The following BCAP29 variants were observed in gnomAD, a reference collection of about 807,000 sequenced individuals.
The protein encoded by BCAP29 is B-cell receptor-associated protein 29.
A neutral mutation model predicts 31.8 loss-of-function variants in BCAP29; 34 were observed. The observed-to-expected ratio is 1.07, with a 90% CI of 0.81 to 1.42. BCAP29 has a LOEUF of 1.42. Among genes scored for constraint, BCAP29 ranks in the 40% most tolerant of loss-of-function variants. The pLI, the probability that BCAP29 is intolerant of heterozygous loss-of-function variation, is 0.00. For missense variants in BCAP29, 314 were observed against 269.2 expected (o/e 1.17, Z -1.16); for synonymous variants, 104 against 91.3 (o/e 1.14, Z -0.79).
intron 5 of BCAP29, among the ~76,000 whole-genome samples, chr7:107,598,320 T>C (rs549622013): frequency 6.6e-6 from 1 of 152,202 alleles, no homozygotes; most frequent in Non-Finnish European, 1.5e-5. Context: ...TGTGCTGCTC[T>C]TTACAAAAAA....
chr7:107,585,304 A>G (rs75803938), intron 3 of BCAP29, among the ~76,000 whole-genome samples: 2 of 152,240 alleles, frequency 1.3e-5, no homozygotes, highest in Non-Finnish European at 2.9e-5. Flanking sequence ...AACTAAGAAC[A>G]TCTGGTATGA....
chr7:107,581,700 C>G (rs1806701825), intron 2 of BCAP29, among the ~76,000 whole-genome samples: 1 of 152,176 alleles, frequency 6.6e-6, no homozygotes, highest in South Asian at 2.1e-4. Flanking sequence ...AATCCCAGGA[C>G]TGGGAGAAAC....
chr7:107,615,422 C>G (rs1813939122), intron 7 of BCAP29: 2 of 416,382 alleles, frequency 4.8e-6, no homozygotes, highest in Admixed American at 2.7e-5. Context: ...AGGTGAAACC[C>G]TGTCTCTACT....
chr7:107,607,809 T>G (rs566870324), intron 6 of BCAP29, among the ~76,000 whole-genome samples: 2 of 152,002 alleles, frequency 1.3e-5, no homozygotes, highest in East Asian at 3.9e-4. Flanking sequence ...CCAGCTAATT[T>G]TTGTATTTTT....
intron 6 of BCAP29, among the ~76,000 whole-genome samples, chr7:107,609,031 T>C (rs1291729717): frequency 6.6e-6 from 1 of 152,230 alleles, no homozygotes; most frequent in Non-Finnish European, 1.5e-5. Context: ...TTCAATTCAA[T>C]ACGTGGTGTG....
chr7:107,598,719 T>A (rs1810304781), intron 5 of BCAP29, among the ~76,000 whole-genome samples: 1 of 151,740 alleles, frequency 6.6e-6, no homozygotes, highest in Non-Finnish European at 1.5e-5. Flanking sequence ...CTTATGTTAG[T>A]CTGTTTAAAA....
chr7:107,599,210 AATAT>A (rs61332689), intron 5 of BCAP29, among the ~76,000 whole-genome samples: 1 of 126,312 alleles, frequency 7.9e-6, no homozygotes, highest in Non-Finnish European at 1.6e-5. Flanking sequence ...CATATTTATA[AATAT>A]ATATATACAT....
chr7:107,591,459 G>A (rs1044829291), intron 3 of BCAP29, among the ~76,000 whole-genome samples: 1 of 152,076 alleles, frequency 6.6e-6, no homozygotes, highest in East Asian at 1.9e-4. Context: ...TTGACCGCAG[G>A]TTGCCTTTGG....
At position 107,615,430 on chromosome 7, in the gene BCAP29, A is replaced by G. The variant is rs1004118255; in HGVS notation, c.690+1998A>G. The G allele has an allele frequency of 2.5e-5, 10 of 395,842 alleles. 1 individual carries two copies. Among genetic ancestry groups the G allele is most frequent in the Admixed American group, 9.0e-5 (3 of 33,250 alleles). 24.5% of individuals were successfully genotyped at this position (395,842 alleles called of 1,614,324 possible). On this transcript the variant is annotated intron_variant, in intron 7 of 7. Transcript: ENST00000005259. ...GCTAACAAGGTGAAACCCTGTCTCTACTAAAAATACAAAAAATTAGCCGGG... is the reference window on the plus strand; with the variant it reads ...GCTAACAAGGTGAAACCCTGTCTCTGCTAAAAATACAAAAAATTAGCCGGG...
intron 5 of BCAP29, among the ~76,000 whole-genome samples, chr7:107,596,869 C>T (rs562022261): frequency 4.3e-4 from 65 of 152,254 alleles, no homozygotes; most frequent in South Asian, 1.0e-3. Flanking sequence ...AACCATTTAC[C>T]CATGCAAGGA....
chr7:107,589,241 G>C (rs920421143), intron 3 of BCAP29, among the ~76,000 whole-genome samples: 1 of 151,974 alleles, frequency 6.6e-6, no homozygotes, highest in African/African-American at 2.4e-5. Context: ...GATGGTTTCG[G>C]GATGATTCAA....
rs754491293 is a variant in BCAP29 at position 107,601,371 on chromosome 7, CATAAAA to C, written c.589+873_589+878del. 5.3e-4 allele frequency among the ~76,000 whole-genome samples: 81 copies of C among 151,992 alleles called. 1 individual carries two copies. Among genetic ancestry groups the C allele is most frequent in the Non-Finnish European group, 5.7e-4 (39 of 67,992 alleles). ...GTGTATTTGAATTTGAGATGAAAAA[CATAAAA>C]ATAAAAGCTAATTCTGTGAATAGAA... On this transcript the variant is annotated intron_variant, in intron 6 of 7. Coordinates refer to ENST00000005259, the MANE Select transcript of BCAP29 (RefSeq NM_018844.4).
At chr7:107,611,111 C>T (rs1202306372) in intron 6 of BCAP29, among the ~76,000 whole-genome samples, 3 of 152,050 alleles carry the variant, frequency 2.0e-5, no homozygotes, top group Non-Finnish European at 4.4e-5. Flanking sequence ...TCTCTGGGGC[C>T]TCTTTTTATT....
Position 107,595,897 on chromosome 7 carries a change from T to A in BCAP29, c.375T>A (p.Thr125=). 6.2e-7 allele frequency: 1 copy of A among 1,603,466 alleles called. No individual in the cohort carries two copies. The highest frequency in any genetic ancestry group is 8.5e-7 in the Non-Finnish European group (1 of 1,176,902). Reference sequence around the variant, plus strand: ...TGAGACGTCTGGTTACGCTTATTACTCAACTGGCAAAAGAACTGTCAAACA... The same window carrying A: ...TGAGACGTCTGGTTACGCTTATTACACAACTGGCAAAAGAACTGTCAAACA... ...LVLRRLVTLI[T]QLAKELSNKG... The change falls in exon 5 of 8, where the codon ACT becomes ACA. Residue 125 remains threonine, a synonymous_variant. Coordinates refer to ENST00000005259, the MANE Select transcript of BCAP29 (RefSeq NM_018844.4).
chr7:107,600,263 T>C, intron 5 of BCAP29, 134 bp from the exon 6 acceptor site: 1 of 688,720 alleles, frequency 1.5e-6, no homozygotes, highest in East Asian at 2.7e-5. Context: ...TGTAGAAAAC[T>C]ATAAAATTCT....
chr7:107,593,884 A>C, intron 3 of BCAP29, 71 bp from the exon 4 acceptor site: 1 of 1,464,366 alleles, frequency 6.8e-7, no homozygotes, highest in Non-Finnish European at 9.2e-7. Flanking sequence ...TTTTTCTAAA[A>C]CTGCTTTCCA....
At chr7:107,611,329 G>A (rs1483007366) in intron 6 of BCAP29, among the ~76,000 whole-genome samples, 1 of 152,164 alleles carries the variant, frequency 6.6e-6, no homozygotes, top group African/African-American at 2.4e-5. Context: ...CACTTTGGGA[G>A]CCTGAGGTGA....
intron 6 of BCAP29, among the ~76,000 whole-genome samples, chr7:107,602,999 C>G (rs140680002): frequency 0.011 from 1,176 of 106,300 alleles, 19 homozygotes; most frequent in African/African-American, 0.038. Flanking sequence ...GAGATGAAGT[C>G]TCACTCTGTC....
At chr7:107,586,983 G>C (rs972511609) in intron 3 of BCAP29, among the ~76,000 whole-genome samples, 1 of 151,888 alleles carries the variant, frequency 6.6e-6, no homozygotes, top group Non-Finnish European at 1.5e-5. Context: ...CGCCCACTTC[G>C]GCTTCCCAAA....
Sources: allele counts gnomAD v4.1 joint callset (sites outside exome capture counted in the v4.1 genomes callset), GRCh38; gene constraint gnomAD v4.1.1; transcripts MANE v1.5; gene names NCBI Gene and HGNC (gene_info 2026-07-23, HGNC 2026-07-21).